Variants in BMAL2 observed in about 807,000 individuals in gnomAD.
BMAL2 encodes the protein basic helix-loop-helix ARNT-like protein 2.
chr12:27,420,031 A>G, the BMAL2 span, among the ~76,000 whole-genome samples: 2 of 151,400 alleles, frequency 1.3e-5, no homozygotes, highest in African/African-American at 4.9e-5. Context: ...ACACACACAC[A>G]CACACACACA....
At chr12:27,390,232 G>T in the BMAL2 span, 1 of 1,613,586 alleles carries the variant, frequency 6.2e-7, no homozygotes, top group East Asian at 2.2e-5. Context: ...CCAACTCAAA[G>T]AAGAAAGGTA....
the BMAL2 span, among the ~76,000 whole-genome samples, chr12:27,361,872 A>C: frequency 6.6e-6 from 1 of 152,202 alleles, no homozygotes; most frequent in South Asian, 2.1e-4. Flanking sequence ...AATACTCCCC[A>C]CCCATTAATA....
chr12:27,405,713 A>G, the BMAL2 span, among the ~76,000 whole-genome samples: 1 of 152,266 alleles, frequency 6.6e-6, no homozygotes, highest in Non-Finnish European at 1.5e-5. Flanking sequence ...AAAGGAACGC[A>G]GCTCCTTACC....
the BMAL2 span, among the ~76,000 whole-genome samples, chr12:27,375,467 A>C: frequency 6.6e-6 from 1 of 152,342 alleles, no homozygotes; most frequent in Non-Finnish European, 1.5e-5. Flanking sequence ...ATTATATACT[A>C]TGATCTGAGT....
chr12:27,420,141 G>C, the BMAL2 span, among the ~76,000 whole-genome samples: 1 of 151,842 alleles, frequency 6.6e-6, no homozygotes, highest in African/African-American at 2.4e-5. Flanking sequence ...TCATAGACTA[G>C]CTTACTTCTC....
chr12:27,422,833 C>T, the BMAL2 span: 2 of 152,226 alleles, frequency 1.3e-5, no homozygotes, highest in Admixed American at 1.3e-4. Flanking sequence ...GGTAGGCCAT[C>T]ATAGCTGGAT....
the BMAL2 span, among the ~76,000 whole-genome samples, chr12:27,360,063 A>AT: frequency 6.6e-6 from 1 of 150,472 alleles, no homozygotes; most frequent in Non-Finnish European, 1.5e-5. Context: ...AAAAAAAAAA[A>AT]AAAAAAAAAG....
At chr12:27,367,593 T>C in the BMAL2 span, among the ~76,000 whole-genome samples, 4 of 151,700 alleles carry the variant, frequency 2.6e-5, no homozygotes, top group South Asian at 4.3e-4. Context: ...CCTTTCTATT[T>C]TTCTGTGTTT....
At chr12:27,356,218 A>G in the BMAL2 span, among the ~76,000 whole-genome samples, 1 of 152,168 alleles carries the variant, frequency 6.6e-6, no homozygotes, top group Admixed American at 6.5e-5. Context: ...GGAATGCATT[A>G]TGATGAAAGT....
the BMAL2 span, among the ~76,000 whole-genome samples, chr12:27,355,116 A>T: frequency 6.6e-6 from 1 of 152,050 alleles, no homozygotes; most frequent in African/African-American, 2.4e-5. Flanking sequence ...GTTATTCCTC[A>T]CTGTCATTTA....
chr12:27,381,740 G>A, the BMAL2 span, among the ~76,000 whole-genome samples: 6 of 152,148 alleles, frequency 3.9e-5, no homozygotes, highest in Non-Finnish European at 7.3e-5. Context: ...GTGGAATAGA[G>A]TTTTCGATTT....
the BMAL2 span, among the ~76,000 whole-genome samples, chr12:27,385,276 C>T: frequency 2.0e-5 from 3 of 151,796 alleles, no homozygotes; most frequent in Admixed American, 6.6e-5. Flanking sequence ...ATTGCGCGAC[C>T]GCACTCCAGC....
chr12:27,398,080 TC>T, the BMAL2 span, among the ~76,000 whole-genome samples: 7 of 152,172 alleles, frequency 4.6e-5, no homozygotes, highest in African/African-American at 1.7e-4. Flanking sequence ...TTCCTTCTCT[TC>T]CGTGTCTCAT....
chr12:27,362,372 G>A, the BMAL2 span, among the ~76,000 whole-genome samples: 1 of 152,148 alleles, frequency 6.6e-6, no homozygotes, highest in African/African-American at 2.4e-5. Flanking sequence ...GTTGTAGACT[G>A]GAAACTTAAT....
chr12:27,414,610 G>A, the BMAL2 span, among the ~76,000 whole-genome samples: 1 of 152,068 alleles, frequency 6.6e-6, no homozygotes, highest in African/African-American at 2.4e-5. Flanking sequence ...AAAAATGAAA[G>A]TGGAAACACA....
At chr12:27,342,195 C>T in the BMAL2 span, among the ~76,000 whole-genome samples, 12 of 152,332 alleles carry the variant, frequency 7.9e-5, no homozygotes, top group African/African-American at 2.9e-4. Context: ...ACCTTGGCCT[C>T]CCAAAGTACT....
the BMAL2 span, among the ~76,000 whole-genome samples, chr12:27,408,529 G>A: frequency 1.3e-5 from 2 of 152,174 alleles, no homozygotes; most frequent in East Asian, 3.8e-4. Flanking sequence ...AAAGACCTTT[G>A]ACAAAATTCA....
the BMAL2 span, chr12:27,415,820 CT>C: frequency 2.3e-6 from 3 of 1,333,336 alleles, no homozygotes; most frequent in Non-Finnish European, 3.2e-6. Context: ...AGAAAATTTC[CT>C]TCTAAAATAT....
the BMAL2 span, among the ~76,000 whole-genome samples, chr12:27,420,019 G>GCGCGCGCGCGCGCGCACACACACACACA: frequency 4.1e-5 from 6 of 147,570 alleles, no homozygotes; most frequent in African/African-American, 1.5e-4. Flanking sequence ...GTTTGCGCGT[G>GCGCGCGCGCGCGCGCACACACACACACA]CACACACACA....
Sources: allele counts gnomAD v4.1 joint callset (sites outside exome capture counted in the v4.1 genomes callset), GRCh38; gene constraint gnomAD v4.1.1; transcripts MANE v1.5; gene names NCBI Gene and HGNC (gene_info 2026-07-23, HGNC 2026-07-21).